The following AVL9 variants were observed in gnomAD, a reference collection of about 807,000 sequenced individuals.
AVL9 encodes the protein late secretory pathway protein AVL9 homolog.
Under a neutral mutation model 79.2 loss-of-function variants are expected in AVL9, and 49 were observed. The observed-to-expected ratio is 0.62, with a 90% CI of 0.49 to 0.79. The LOEUF is 0.79. Ranked by LOEUF, AVL9 falls within the 30% of genes least tolerant of loss-of-function variation. The pLI, the probability that AVL9 is intolerant of heterozygous loss-of-function variation, is 0.00. For synonymous variants in AVL9, 299 were observed against 280.6 expected, an observed-to-expected ratio of 1.07 and a Z score of -0.65; for missense variants, 682 against 776.8, an observed-to-expected ratio of 0.88 and a Z score of 1.45.
chr7:32,542,184 C>CTTTT (rs113254142), intron 1 of AVL9, among the ~76,000 whole-genome samples: 9 of 138,136 alleles, frequency 6.5e-5, no homozygotes, highest in African/African-American at 2.4e-4. Flanking sequence ...TTTTACAGTC[C>CTTTT]TTTTTTTTTT....
At chr7:32,582,326 C>G (rs1028126231) in intron 15 of AVL9, among the ~76,000 whole-genome samples, 1 of 152,124 alleles carries the variant, frequency 6.6e-6, no homozygotes, top group African/African-American at 2.4e-5. Flanking sequence ...ACTAAGTAAT[C>G]TTTGTGTAGG....
intron 13 of AVL9, among the ~76,000 whole-genome samples, chr7:32,576,807 T>C (rs1271665079): frequency 6.6e-6 from 1 of 151,906 alleles, no homozygotes; most frequent in Non-Finnish European, 1.5e-5. Context: ...AAAAAGTTAA[T>C]ATTTGGACTC....
chr7:32,555,570 G>C (rs572866275), intron 8 of AVL9, among the ~76,000 whole-genome samples: 17 of 152,310 alleles, frequency 1.1e-4, no homozygotes, highest in African/African-American at 4.1e-4. Flanking sequence ...TTGGAAATCA[G>C]ACCCATTTAT....
At chr7:32,535,062 A>G (rs1490721670) in intron 1 of AVL9, 1 of 152,240 alleles carries the variant, frequency 6.6e-6, no homozygotes, top group Non-Finnish European at 1.5e-5. Context: ...TCTTACAAAA[A>G]TACAACTTTT....
At position 32,587,098 on chromosome 7, in the gene AVL9, C is replaced by T. The variant is rs921508649; in HGVS notation, c.*3191C>T. On this transcript the variant is annotated 3_prime_UTR_variant, in exon 16 of 16. Transcript: ENST00000318709. Reference sequence around the variant, plus strand: ...AGAGCATATGATGTAACTTGCTCAACCTTATCTTCCTTTCCAAATTCTATA... The same window carrying T: ...AGAGCATATGATGTAACTTGCTCAATCTTATCTTCCTTTCCAAATTCTATA... 6.6e-6 allele frequency: 1 copy of T among 152,158 alleles called. No homozygotes were observed. The highest frequency in any genetic ancestry group is 2.1e-4 in the South Asian group (1 of 4,832). 9.4% of individuals were successfully genotyped at this position (152,158 alleles called of 1,614,324 possible).
chr7:32,561,960 A>G (rs1275386477), intron 10 of AVL9, among the ~76,000 whole-genome samples: 1 of 152,228 alleles, frequency 6.6e-6, no homozygotes, highest in Non-Finnish European at 1.5e-5. Flanking sequence ...TCAGTGGAGA[A>G]GTCAGAACAC....
At chr7:32,523,627 T>C (rs1788272156) in intron 1 of AVL9, among the ~76,000 whole-genome samples, 1 of 149,626 alleles carries the variant, frequency 6.7e-6, no homozygotes, top group Non-Finnish European at 1.5e-5. Context: ...GCTATTCTCT[T>C]GCCTCAGCCT....
intron 10 of AVL9, among the ~76,000 whole-genome samples, chr7:32,564,020 G>A (rs752329007): frequency 2.0e-5 from 3 of 151,990 alleles, no homozygotes; most frequent in Non-Finnish European, 4.4e-5. Flanking sequence ...TATACCTTTC[G>A]GAGCCCTGAC....
At chr7:32,547,412 T>C (rs750959242) in intron 3 of AVL9, among the ~76,000 whole-genome samples, 3 of 152,354 alleles carry the variant, frequency 2.0e-5, no homozygotes, top group East Asian at 3.9e-4. Flanking sequence ...TACATACTTA[T>C]ATGTGAGATG....
chr7:32,526,920 C>G (rs1344986047), intron 1 of AVL9, among the ~76,000 whole-genome samples: 1 of 152,156 alleles, frequency 6.6e-6, no homozygotes, highest in Non-Finnish European at 1.5e-5. Context: ...CCCACTGCGG[C>G]ACAAATTTCC....
intron 1 of AVL9, among the ~76,000 whole-genome samples, chr7:32,516,978 T>C (rs909647749): frequency 1.3e-5 from 2 of 152,202 alleles, no homozygotes; most frequent in African/African-American, 2.4e-5. Flanking sequence ...GTTATCTATC[T>C]CTTTCTTTTC....
At chr7:32,567,239 CCACAGAT>C (rs1790623723) in intron 10 of AVL9, among the ~76,000 whole-genome samples, 1 of 151,988 alleles carries the variant, frequency 6.6e-6, no homozygotes, top group African/African-American at 2.4e-5. Context: ...GTAGCTGGGA[CCACAGAT>C]GCAGGCCACC....
chr7:32,566,280 G>A (rs1200536198), intron 10 of AVL9, among the ~76,000 whole-genome samples: 2 of 142,256 alleles, frequency 1.4e-5, no homozygotes, highest in South Asian at 2.4e-4. Flanking sequence ...GTGCTCAAGC[G>A]ATCCTCCCAC....
At position 32,559,379 on chromosome 7, in the gene AVL9, A is replaced by C. The variant is rs1562788787; in HGVS notation, c.1130A>C (p.Asn377Thr). The C allele has an allele frequency of 6.2e-7, 1 of 1,613,884 alleles. No homozygotes were observed. Among genetic ancestry groups the C allele is most frequent in the African/African-American group, 1.3e-5 (1 of 75,038 alleles). Residue 377 changes from asparagine (N) to threonine (T), a missense_variant, in exon 10 of 16, where the codon AAT becomes ACT. Asn to Thr is a moderately conservative substitution (Grantham distance 65, BLOSUM62 0). Coordinates refer to ENST00000318709, the MANE Select transcript of AVL9 (RefSeq NM_015060.3). ...CCAATTACTGTACAACCTCAAGCTAATACGGGACAGGTAGTCCTGATACCA... is the reference window on the plus strand; with the variant it reads ...CCAATTACTGTACAACCTCAAGCTACTACGGGACAGGTAGTCCTGATACCA... Reference protein sequence around the residue: ...SLPITVQPQANTGQVVLIPGL... With the variant: ...SLPITVQPQATTGQVVLIPGL...
chr7:32,495,904 TC>T (rs1786780943), intron 1 of AVL9, 102 bp downstream of exon 1: 2 of 714,848 alleles, frequency 2.8e-6, no homozygotes, highest in Non-Finnish European at 4.0e-6. Flanking sequence ...CGTGCAGTCC[TC>T]CCCACAGCGC....
intron 11 of AVL9, 59 bp from the exon 12 acceptor site, chr7:32,573,140 T>C: frequency 7.5e-7 from 1 of 1,334,386 alleles, no homozygotes; most frequent in East Asian, 2.3e-5. Context: ...CTCTGTAAAG[T>C]GTGGCATGGA....
intron 8 of AVL9, among the ~76,000 whole-genome samples, chr7:32,555,060 C>T (rs1327067849): frequency 3.3e-5 from 5 of 152,118 alleles, no homozygotes; most frequent in South Asian, 2.1e-4. Flanking sequence ...AATTCTTGGC[C>T]GGGCACGGTG....
chr7:32,576,647 G>C (rs557467042), intron 13 of AVL9, among the ~76,000 whole-genome samples: 18 of 152,124 alleles, frequency 1.2e-4, no homozygotes, highest in Non-Finnish European at 1.2e-4. Flanking sequence ...TTAGCCAGAC[G>C]TGGTAGTGGG....
chr7:32,556,741 C>G (rs1790081486), intron 8 of AVL9, among the ~76,000 whole-genome samples: 1 of 152,094 alleles, frequency 6.6e-6, no homozygotes, highest in African/African-American at 2.4e-5. Flanking sequence ...CAGCCATCAT[C>G]ACTATCCAGC....
Sources: gnomAD v4.1 joint callset for allele counts (sites outside exome capture counted in the v4.1 genomes callset) on GRCh38, gnomAD v4.1.1 for gene constraint, MANE v1.5 for transcripts, NCBI Gene and HGNC (gene_info 2026-07-23, HGNC 2026-07-21) for gene names.